Variants in WDFY3 observed in about 807,000 individuals in gnomAD.
WDFY3 encodes WD repeat and FYVE domain-containing protein 3.
WDFY3 carries 66 observed loss-of-function variants against 409.6 expected under a neutral mutation model. The observed-to-expected ratio is 0.16, with a 90% CI of 0.13 to 0.20. WDFY3 has a LOEUF of 0.20. Ranked by LOEUF, WDFY3 falls within the 10% of genes least tolerant of loss-of-function variation. The probability of loss-of-function intolerance (pLI) is 1.00; values close to 1 mark genes in which losing one functional copy is unlikely to be tolerated. For synonymous variants in WDFY3, 1,521 were observed against 1,537.1 expected (o/e 0.99, Z 0.25); for missense variants, 3,031 against 4,298.1 (o/e 0.71, Z 8.24).
chr4:84,762,629 C>G (rs1742863637), intron 32 of WDFY3, among the ~76,000 whole-genome samples: 1 of 151,868 alleles, frequency 6.6e-6, no homozygotes. Flanking sequence ...AAAAAAAAGT[C>G]ACAATGTGGC....
Position 84,670,503 on chromosome 4 carries a change from T to C in WDFY3, c.*2365A>G, listed in dbSNP as rs542484998. ...CAGCACCAGCTGCCAGAGGAAATAC[T>C]ACCATGAGGGTTTTGGTTTCCACCT... On this transcript the variant is annotated 3_prime_UTR_variant, in exon 68 of 68. Coordinates refer to ENST00000295888, the MANE Select transcript of WDFY3 (RefSeq NM_014991.6). 5 of 152,804 alleles carry C rather than the reference T, an allele frequency of 3.3e-5. No homozygotes were observed. In the East Asian group the frequency reaches 9.6e-4, roughly 29 times the overall value. The allele number at this position is 152,804 out of a possible 1,614,324, so 9.5% of individuals were successfully genotyped here.
At chr4:84,705,364 C>T (rs1221432720) in intron 54 of WDFY3, 30 bp downstream of exon 54, 7 of 1,582,860 alleles carry the variant, frequency 4.4e-6, no homozygotes, top group Middle Eastern at 3.3e-4. Flanking sequence ...AACTTGGGTA[C>T]AAAGTCCAAT....
intron 15 of WDFY3, among the ~76,000 whole-genome samples, chr4:84,805,088 T>G (rs964161405): frequency 2.6e-5 from 4 of 152,188 alleles, no homozygotes; most frequent in Admixed American, 2.6e-4. Context: ...GTCAAAACTT[T>G]GTTTCATGTA....
At chr4:84,716,799 A>T in intron 49 of WDFY3, 97 bp downstream of exon 49, 1 of 1,063,450 alleles carries the variant, frequency 9.4e-7, no homozygotes, top group East Asian at 4.2e-5. Flanking sequence ...ACTCTGTCTC[A>T]AAAAATAAAA....
intron 2 of WDFY3, among the ~76,000 whole-genome samples, chr4:84,923,652 G>A (rs948822800): frequency 3.3e-5 from 5 of 152,138 alleles, no homozygotes; most frequent in African/African-American, 1.2e-4. Flanking sequence ...AATCTCTAAT[G>A]CTAATAAACA....
At chr4:84,760,542 T>C (rs1324016042) in intron 32 of WDFY3, among the ~76,000 whole-genome samples, 1 of 152,222 alleles carries the variant, frequency 6.6e-6, no homozygotes, top group African/African-American at 2.4e-5. Context: ...GGAGAGTGTA[T>C]GTGTCAAGGA....
intron 66 of WDFY3, 72 bp downstream of exon 66, chr4:84,678,096 C>T (rs1165358614): frequency 9.3e-7 from 1 of 1,076,802 alleles, no homozygotes; most frequent in Non-Finnish European, 1.4e-6. Context: ...AAAGACTGGG[C>T]TGGAGTATGT....
intron 64 of WDFY3, among the ~76,000 whole-genome samples, chr4:84,680,620 G>T (rs2148766338): frequency 6.6e-6 from 1 of 152,298 alleles, no homozygotes; most frequent in Non-Finnish European, 1.5e-5. Context: ...CTCCATTTCT[G>T]TGGGTTCCAC....
chr4:84,886,660 A>G (rs752584795), intron 3 of WDFY3, among the ~76,000 whole-genome samples: 2 of 152,162 alleles, frequency 1.3e-5, no homozygotes, highest in Non-Finnish European at 2.9e-5. Context: ...GAGGGAAGGA[A>G]GGAAGGGAGG....
rs573227056 is a variant in WDFY3 at position 84,763,461 on chromosome 4, T to C, written c.5188+2349A>G. ...GCTTAAAACCTAGATGACGGGCTGA[T>C]AGGTGCAGCAAACCACCATGGCACA... On this transcript the variant is annotated intron_variant, in intron 32 of 67. Transcript: ENST00000295888. Among the ~76,000 whole-genome samples the C allele has an allele frequency of 9.4e-4, 143 of 152,168 alleles. No individual in the cohort carries two copies. The South Asian group carries it at 0.012, about 13-fold the overall frequency.
chr4:84,921,143 T>C (rs561976218), intron 2 of WDFY3, among the ~76,000 whole-genome samples: 481 of 152,198 alleles, frequency 3.2e-3, no homozygotes, highest in African/African-American at 0.011. Context: ...TGCCCAGAGA[T>C]TTAAAAAGCT....
intron 49 of WDFY3, among the ~76,000 whole-genome samples, chr4:84,716,390 G>A (rs2149047231): frequency 7.0e-6 from 1 of 142,834 alleles, no homozygotes; most frequent in Middle Eastern, 4.0e-3. Context: ...AGTGAGCCTA[G>A]ATCGTGCCAC....
Position 84,783,022 on chromosome 4 carries a change from G to A in WDFY3, c.4115C>T (p.Ser1372Leu), listed in dbSNP as rs1746841191. Residue 1372 changes from serine (S) to leucine (L), a missense_variant, in exon 25 of 68, where the codon TCA becomes TTA. This residue lies in a region of WDFY3 where 1,322 missense variants were observed against 1,697.9 expected (regional missense o/e 0.78). Coordinates refer to ENST00000295888, the MANE Select transcript of WDFY3 (RefSeq NM_014991.6). ...TGCAGATCCATTAAGATGTCCTGCT[G>A]AATTGTGTATCAACTTCACAGGAGT... ...NATPVKLIHN[S>L]AGHLNGSART... 6.2e-7 allele frequency: 1 copy of A among 1,614,018 alleles called. No homozygotes were observed. The highest frequency in any genetic ancestry group is 8.5e-7 in the Non-Finnish European group (1 of 1,180,028).
chr4:84,691,931 GC>G, intron 59 of WDFY3, 146 bp from the exon 60 acceptor site: 1 of 855,022 alleles, frequency 1.2e-6, no homozygotes. Flanking sequence ...ATAGAGCTGG[GC>G]TTTTGAATCT....
chr4:84,839,669 C>T (rs976743784), intron 6 of WDFY3, among the ~76,000 whole-genome samples: 6 of 151,916 alleles, frequency 3.9e-5, no homozygotes, highest in Admixed American at 3.9e-4. Context: ...ACCAGCCTGG[C>T]CAACATGGTG....
At chr4:84,791,044 G>A (rs2149548559) in intron 21 of WDFY3, among the ~76,000 whole-genome samples, 1 of 152,244 alleles carries the variant, frequency 6.6e-6, no homozygotes, top group South Asian at 2.1e-4. Flanking sequence ...ATGGAAAACA[G>A]TACAGACGTT....
intron 37 of WDFY3, among the ~76,000 whole-genome samples, chr4:84,743,393 T>C (rs1287003850): frequency 6.6e-6 from 1 of 152,208 alleles, no homozygotes; most frequent in Non-Finnish European, 1.5e-5. Context: ...TGTGTAAGTA[T>C]TGTACACCTA....
intron 51 of WDFY3, among the ~76,000 whole-genome samples, 156 bp from the exon 52 acceptor site, chr4:84,709,503 A>G (rs1176302671): frequency 2.0e-5 from 3 of 152,262 alleles, no homozygotes; most frequent in Non-Finnish European, 4.4e-5. Flanking sequence ...GGTTGTGATC[A>G]GCATTTTGAA....
Position 84,670,804 on chromosome 4 carries a change from ACATAATAG to A in WDFY3, c.*2056_*2063del. 6.5e-6 allele frequency: 1 copy of A among 152,704 alleles called. No individual in the cohort carries two copies. The highest frequency in any genetic ancestry group is 2.1e-4 in the South Asian group (1 of 4,828). The allele number at this position is 152,704 out of a possible 1,614,324, so 9.5% of individuals were successfully genotyped here. On this transcript the variant is annotated 3_prime_UTR_variant, in exon 68 of 68. Coordinates refer to ENST00000295888, the MANE Select transcript of WDFY3 (RefSeq NM_014991.6). Reference sequence around the variant, plus strand: ...CCAGACAGGGGCAAGGCCCACAGTTACATAATAGCACAATTTCTGCAACTGTTGAACAT... The same window carrying A: ...CCAGACAGGGGCAAGGCCCACAGTTACACAATTTCTGCAACTGTTGAACAT...
Sources: gnomAD v4.1 joint callset for allele counts (sites outside exome capture counted in the v4.1 genomes callset) on GRCh38, gnomAD v4.1.1 for gene constraint, gnomAD v4.1.1 regional missense constraint, MANE v1.5 for transcripts, NCBI Gene and HGNC (gene_info 2026-07-23, HGNC 2026-07-21) for gene names.